Variants in HPSE2 observed in about 807,000 individuals in gnomAD.
The protein encoded by HPSE2 is heparanase 2 (inactive).
A neutral mutation model predicts 60.5 loss-of-function variants in HPSE2; 38 were observed. The observed-to-expected ratio is 0.63, with a 90% CI of 0.48 to 0.82. The LOEUF is 0.82. Ranked by LOEUF, HPSE2 falls within the 40% of genes least tolerant of loss-of-function variation. The pLI is 0.00. For synonymous variants in HPSE2, 295 were observed against 293.2 expected (o/e 1.01, Z -0.06); for missense variants, 713 against 740.4 (o/e 0.96, Z 0.43).
rs1210143115 is a variant in HPSE2 at position 99,220,854 on chromosome 10, CTT to C, written c.448+11492_448+11493del. Among the ~76,000 whole-genome samples the C allele has an allele frequency of 9.5e-3, 844 of 88,642 alleles. 11 individuals are homozygous for C. The highest frequency in any genetic ancestry group is 0.035 in the Admixed American group (263 of 7,612). 58.2% of individuals were successfully genotyped at this position (88,642 alleles called of 152,430 possible). On this transcript the variant is annotated intron_variant, in intron 2 of 11. Coordinates refer to ENST00000370552, the MANE Select transcript of HPSE2 (RefSeq NM_021828.5). ...AATGGAACATGAAGGGAGGCTTTCA[CTT>C]TTTTTTTTTTTTTTTTTTGACGGAG...
intron 5 of HPSE2, among the ~76,000 whole-genome samples, chr10:98,710,276 C>T (rs1948645095): frequency 6.6e-6 from 1 of 152,156 alleles, no homozygotes; most frequent in African/African-American, 2.4e-5. Context: ...CTTCAGTCCT[C>T]CATTTCTTTC....
At chr10:99,015,360 C>T (rs998986936) in intron 3 of HPSE2, among the ~76,000 whole-genome samples, 1 of 152,202 alleles carries the variant, frequency 6.6e-6, no homozygotes. Context: ...TATAAAGACA[C>T]ATGCACACGT....
chr10:98,507,767 C>G (rs1236765750), intron 9 of HPSE2, among the ~76,000 whole-genome samples: 2 of 152,112 alleles, frequency 1.3e-5, no homozygotes, highest in South Asian at 2.1e-4. Flanking sequence ...TCCTTCTTCT[C>G]TTCTTTCCTT....
At chr10:99,094,255 G>C (rs1164534513) in intron 3 of HPSE2, among the ~76,000 whole-genome samples, 1 of 151,544 alleles carries the variant, frequency 6.6e-6, no homozygotes, top group Non-Finnish European at 1.5e-5. Context: ...GCTTTATTGA[G>C]GCACATATGG....
At chr10:99,230,794 A>C (rs923913595) in intron 2 of HPSE2, among the ~76,000 whole-genome samples, 1 of 152,212 alleles carries the variant, frequency 6.6e-6, no homozygotes, top group Non-Finnish European at 1.5e-5. Flanking sequence ...CACAAACTAA[A>C]GAGGAAGTAG....
At chr10:99,278,951 C>A in the HPSE2 span, among the ~76,000 whole-genome samples, 1 of 152,118 alleles carries the variant, frequency 6.6e-6, no homozygotes, top group East Asian at 1.9e-4. Flanking sequence ...ATGTTCTAGG[C>A]AAGTATTTCC....
chr10:98,461,809 A>G, intron 11 of HPSE2: 1 of 1,596,066 alleles, frequency 6.3e-7, no homozygotes, highest in Non-Finnish European at 8.5e-7. Context: ...CAGTATTGAC[A>G]TCTTTGGGTT....
chr10:99,198,920 A>T (rs866531853), intron 2 of HPSE2, among the ~76,000 whole-genome samples: 1 of 152,142 alleles, frequency 6.6e-6, no homozygotes, highest in Non-Finnish European at 1.5e-5. Flanking sequence ...CAAATACTTC[A>T]TATAAGCGAG....
chr10:98,659,246 G>A (rs759491928), intron 6 of HPSE2, among the ~76,000 whole-genome samples: 40 of 152,012 alleles, frequency 2.6e-4, no homozygotes, highest in Non-Finnish European at 5.3e-4. Context: ...ACATAGTCAG[G>A]TCTTGCAGTC....
intron 9 of HPSE2, among the ~76,000 whole-genome samples, chr10:98,492,510 C>CAAAA (rs10645866): frequency 9.8e-5 from 11 of 112,144 alleles, no homozygotes; most frequent in Non-Finnish European, 1.1e-4. Flanking sequence ...TCAAAAAAGA[C>CAAAA]AAAAAAAAAA....
chr10:98,584,984 G>A (rs1944899614), intron 9 of HPSE2, among the ~76,000 whole-genome samples: 1 of 152,148 alleles, frequency 6.6e-6, no homozygotes, highest in Non-Finnish European at 1.5e-5. Context: ...AAATATTAGA[G>A]TAGTAGAATG....
At chr10:98,808,235 C>T (rs1223558131) in intron 3 of HPSE2, among the ~76,000 whole-genome samples, 1 of 152,128 alleles carries the variant, frequency 6.6e-6, no homozygotes, top group East Asian at 1.9e-4. Flanking sequence ...ATCATCACCC[C>T]CTCAAACCCT....
intron 9 of HPSE2, among the ~76,000 whole-genome samples, chr10:98,558,493 C>A (rs576304125): frequency 6.6e-6 from 1 of 152,002 alleles, no homozygotes; most frequent in Non-Finnish European, 1.5e-5. Flanking sequence ...TAATGTTGAG[C>A]GAAAAAATCC....
At chr10:98,741,672 C>T (rs939098335) in intron 4 of HPSE2, among the ~76,000 whole-genome samples, 1 of 152,118 alleles carries the variant, frequency 6.6e-6, no homozygotes, top group South Asian at 2.1e-4. Flanking sequence ...TTGCTTTGGG[C>T]GTATCTATTA....
At chr10:98,462,875 A>G (rs1940358467) in intron 11 of HPSE2, among the ~76,000 whole-genome samples, 2 of 151,714 alleles carry the variant, frequency 1.3e-5, no homozygotes, top group Admixed American at 1.3e-4. Flanking sequence ...GAACTTCTGT[A>G]TCTCCACTTG....
chr10:98,671,536 C>T (rs1308100274), intron 6 of HPSE2, among the ~76,000 whole-genome samples: 1 of 140,052 alleles, frequency 7.1e-6, no homozygotes, highest in Non-Finnish European at 1.6e-5. Context: ...CAACTAAGAA[C>T]AATCAATCCT....
chr10:99,223,978 G>T (rs1849394287), intron 2 of HPSE2, among the ~76,000 whole-genome samples: 1 of 151,956 alleles, frequency 6.6e-6, no homozygotes, highest in African/African-American at 2.4e-5. Context: ...AGAAGTAGAG[G>T]AACTAAGCAA....
chr10:98,514,040 G>A (rs1282604109), intron 9 of HPSE2, among the ~76,000 whole-genome samples: 1 of 151,852 alleles, frequency 6.6e-6, no homozygotes, highest in Non-Finnish European at 1.5e-5. Flanking sequence ...ACAAAATATG[G>A]CACATATGTA....
chr10:99,154,816 TAAAG>T (rs1447586264), intron 2 of HPSE2, among the ~76,000 whole-genome samples: 2 of 151,772 alleles, frequency 1.3e-5, no homozygotes, highest in African/African-American at 4.8e-5. Context: ...GCAAATTGGA[TAAAG>T]AGTCAAGACC....
Sources: allele counts gnomAD v4.1 joint callset (sites outside exome capture counted in the v4.1 genomes callset), GRCh38; gene constraint gnomAD v4.1.1; transcripts MANE v1.5; gene names NCBI Gene and HGNC (gene_info 2026-07-23, HGNC 2026-07-21).